TTYH2: variants seen among roughly 807,000 people sequenced by gnomAD.
TTYH2 encodes tweety family member 2, also known as protein tweety homolog 2.
Under a neutral mutation model 68.3 loss-of-function variants are expected in TTYH2, and 49 were observed. That is an observed-to-expected ratio of 0.72 (90% confidence interval 0.57 to 0.91). The LOEUF (loss-of-function observed/expected upper bound fraction) is 0.91, where lower values mean the gene tolerates loss of function less well. Ranked by LOEUF, TTYH2 falls within the 40% of genes least tolerant of loss-of-function variation. The probability of loss-of-function intolerance (pLI) is 0.00; values close to 1 mark genes in which losing one functional copy is unlikely to be tolerated. For missense variants in TTYH2, 631 were observed against 700.4 expected, an observed-to-expected ratio of 0.90 and a Z score of 1.12; for synonymous variants, 272 against 300.8, an observed-to-expected ratio of 0.90 and a Z score of 0.99.
In TTYH2 at chr17:74,243,512, G is replaced by A. The variant is rs945334929; in HGVS notation, c.731+43G>A. On this transcript the variant is annotated intron_variant, in intron 5 of 13. Coordinates refer to ENST00000269346, the MANE Select transcript of TTYH2 (RefSeq NM_032646.6). ...TGGACCTGGGACAAAGAGCTGGGCAGGATGCCATCATCAGAGAGAGACGAG... is the reference window on the plus strand; with the variant it reads ...TGGACCTGGGACAAAGAGCTGGGCAAGATGCCATCATCAGAGAGAGACGAG... The A allele has an allele frequency of 1.9e-6, 3 of 1,597,608 alleles. No individual in the cohort carries two copies. In the Admixed American group the frequency reaches 5.0e-5, roughly 27 times the overall value.
intron 1 of TTYH2, among the ~76,000 whole-genome samples, chr17:74,216,362 G>C (rs1375912675): frequency 6.6e-6 from 1 of 152,188 alleles, no homozygotes; most frequent in Admixed American, 6.5e-5. Flanking sequence ...GACTAAGCAA[G>C]GATGGAAACA....
intron 2 of TTYH2, among the ~76,000 whole-genome samples, chr17:74,227,980 T>C (rs1300382662): frequency 7.6e-6 from 1 of 132,028 alleles, no homozygotes; most frequent in Non-Finnish European, 1.5e-5. Flanking sequence ...TTTTCTTTTC[T>C]TTCTTTTTTT....
intron 2 of TTYH2, among the ~76,000 whole-genome samples, chr17:74,227,669 A>G (rs1319331288): frequency 2.0e-5 from 3 of 152,054 alleles, no homozygotes; most frequent in Non-Finnish European, 4.4e-5. Flanking sequence ...ATGAATATTG[A>G]CTTATGCAGT....
rs760655937 is a variant in TTYH2, at chr17:74,237,482, A to G, written c.603A>G (p.Leu201=). 2.6e-5 allele frequency: 42 copies of G among 1,613,562 alleles called. No individual in the cohort carries two copies. In the Admixed American group the frequency reaches 6.8e-4, roughly 26 times the overall value. ...AGGTCACCATGGAGCTGACCAAGCT[A>G]TCCGACCAGACTGGCTACGTGGAGT... The part of the protein sequence containing the change: ...WREVTMELTK[L]SDQTGYVEYY... The change falls in exon 4 of 14, where the codon CTA becomes CTG. Residue 201 remains leucine (L), a synonymous_variant. Transcript: ENST00000269346.
chr17:74,225,836 C>T (rs1319302549), intron 2 of TTYH2, among the ~76,000 whole-genome samples: 1 of 150,610 alleles, frequency 6.6e-6, no homozygotes, highest in Non-Finnish European at 1.5e-5. Flanking sequence ...TAATGGAGAA[C>T]AGGGCAGGGG....
intron 11 of TTYH2, 78 bp downstream of exon 11, chr17:74,252,454 C>T (rs4789642): frequency 0.4 from 600,915 of 1,516,914 alleles, 122,497 homozygotes; most frequent in African/African-American, 0.54. Context: ...CTCTGCTCTA[C>T]GATTTAGCTG....
At position 74,214,786 on chromosome 17, in the gene TTYH2, G is replaced by A. The variant is rs998281439; in HGVS notation, c.129+1070G>A. Among the ~76,000 whole-genome samples, 2 of 152,194 alleles carry A rather than the reference G, an allele frequency of 1.3e-5. No homozygotes were observed. The highest frequency in any genetic ancestry group is 4.8e-5 in the African/African-American group (2 of 41,446). ...CGCCCATCTCAGGACTTTGGCCCCC[G>A]GCGGCCTCTCCCTGTGTCAAGTTCT... is the stretch of plus-strand genomic sequence containing the variant. On this transcript the variant is annotated intron_variant, in intron 1 of 13. Transcript: ENST00000269346. This position sits in a 1 kb window ranked among gnomAD's most constrained non-coding sequence, Gnocchi z 4.6.
Position 74,222,396 on chromosome 17 carries a change from G to A in TTYH2, c.130-89G>A, listed in dbSNP as rs1415041021. On this transcript the variant is annotated intron_variant, in intron 1 of 13. Coordinates refer to ENST00000269346, the MANE Select transcript of TTYH2 (RefSeq NM_032646.6). This position sits in a 1 kb window ranked among gnomAD's most constrained non-coding sequence, Gnocchi z 5.2. The stretch of plus-strand genomic sequence containing the variant: ...ATGGACGAGAGATGCAGCTCAGGCA[G>A]TGGGGCACTCAGGGCCCAAGGGCAG... 1.4e-6 allele frequency: 2 copies of A among 1,415,248 alleles called. No homozygotes were observed. The highest frequency in any genetic ancestry group is 2.1e-5 in the Admixed American group (1 of 47,268). The allele number at this position is 1,415,248 out of a possible 1,614,324, so 87.7% of individuals were successfully genotyped here.
At chr17:74,249,557 G>T (rs532298905) in intron 8 of TTYH2, among the ~76,000 whole-genome samples, 158 bp downstream of exon 8, 2 of 152,152 alleles carry the variant, frequency 1.3e-5, no homozygotes, top group African/African-American at 4.8e-5. Flanking sequence ...GCTTTTGGTC[G>T]TGGGTTCTAG....
chr17:74,244,135 T>A, intron 6 of TTYH2, 86 bp downstream of exon 6: 1 of 1,290,024 alleles, frequency 7.8e-7, no homozygotes, highest in Non-Finnish European at 1.1e-6. Context: ...CAGCTTCCGG[T>A]CCCAGCTCCT....
At position 74,240,862 on chromosome 17, in the gene TTYH2, A is replaced by G. The variant is rs1367058134; in HGVS notation, c.636-2512A>G. On this transcript the variant is annotated intron_variant, in intron 4 of 13. Coordinates refer to ENST00000269346, the MANE Select transcript of TTYH2 (RefSeq NM_032646.6). ...CCGCCTAGAGGAGATGTTTCCAGGA[A>G]CCCCTGACAACATGAGGCGTGGAGG... 2.0e-5 allele frequency: 3 copies of G among 152,110 alleles called. No individual in the cohort carries two copies. In the East Asian group the frequency reaches 5.8e-4, roughly 29 times the overall value. The allele number at this position is 152,110 out of a possible 1,614,324, so 9.4% of individuals were successfully genotyped here.
chr17:74,250,170 G>A (rs958996419), intron 9 of TTYH2, 95 bp from the exon 10 acceptor site: 12 of 1,465,978 alleles, frequency 8.2e-6, no homozygotes, highest in Non-Finnish European at 1.1e-5. Flanking sequence ...CCCTCCCTTG[G>A]CTCTAGAGGC....
intron 2 of TTYH2, among the ~76,000 whole-genome samples, chr17:74,230,385 A>G (rs1031401834): frequency 6.6e-6 from 1 of 151,912 alleles, no homozygotes; most frequent in South Asian, 2.1e-4. Flanking sequence ...GTGAGCCACC[A>G]CACCCAGCCA....
intron 3 of TTYH2, among the ~76,000 whole-genome samples, chr17:74,233,404 G>A (rs2050409713): frequency 6.6e-6 from 1 of 152,242 alleles, no homozygotes; most frequent in African/African-American, 2.4e-5. Flanking sequence ...CAGTGAAAGT[G>A]CTGGTAGACT....
intron 1 of TTYH2, among the ~76,000 whole-genome samples, chr17:74,216,402 T>C (rs1598210749): frequency 6.6e-6 from 1 of 151,746 alleles, no homozygotes; most frequent in Admixed American, 6.6e-5. Flanking sequence ...ATGTGGGTGG[T>C]GCGGGGGATC....
intron 10 of TTYH2, chr17:74,250,708 A>G: frequency 5.2e-6 from 1 of 191,194 alleles, no homozygotes. Context: ...TGGATGTCCC[A>G]ATCCCATTGC....
At chr17:74,220,934 A>G (rs147274158) in intron 1 of TTYH2, among the ~76,000 whole-genome samples, 1 of 152,110 alleles carries the variant, frequency 6.6e-6, no homozygotes, top group Non-Finnish European at 1.5e-5. Flanking sequence ...CTACAGGCAG[A>G]TGCCACCATG....
chr17:74,260,195 C>T lies in TTYH2; in HGVS notation c.1591C>T (p.Gln531Ter). The change falls in exon 14 of 14, where the codon CAG (glutamine) becomes TAG (stop). Residue 531 changes from glutamine (Q) to a stop codon, truncating the protein, a stop_gained. Coordinates refer to ENST00000269346, the MANE Select transcript of TTYH2 (RefSeq NM_032646.6). LOFTEE classifies it high-confidence loss of function. ...ADEHLRHYGN[Q>*]FPA is the part of the protein sequence containing the mutation. ...TGAGCACCTGAGGCACTACGGGAAT[C>T]AGTTTCCAGCCTAACAGACTTTCGG... is the stretch of plus-strand genomic sequence containing the variant. The T allele has an allele frequency of 6.2e-7, 1 of 1,613,990 alleles. No individual in the cohort carries two copies. The highest frequency in any genetic ancestry group is 1.1e-5 in the South Asian group (1 of 91,078).
chr17:74,219,387 C>CAAA lies in TTYH2; in HGVS notation c.130-3084_130-3082dup, dbSNP rs1031171600. Among the ~76,000 whole-genome samples, 31 of 88,484 alleles carry CAAA rather than the reference C, an allele frequency of 3.5e-4. 1 individual carries two copies. Among genetic ancestry groups the CAAA allele is most frequent in the African/African-American group, 1.7e-3 (29 of 16,948 alleles). 58.0% of individuals were successfully genotyped at this position (88,484 alleles called of 152,430 possible). On this transcript the variant is annotated intron_variant, in intron 1 of 13. Transcript: ENST00000269346. ...CTGGCGACAGAGCAAGACTCCGTGT[C>CAAA]AAAAAAAAAAAAAAAAGAATAACTT...
Sources: gnomAD v4.1 joint callset for allele counts (sites outside exome capture counted in the v4.1 genomes callset) on GRCh38, gnomAD v4.1.1 for gene constraint, Gnocchi (gnomAD v3.1) non-coding constraint, MANE v1.5 for transcripts, NCBI Gene and HGNC (gene_info 2026-07-23, HGNC 2026-07-21) for gene names.